PHF8: variants seen among roughly 807,000 people sequenced by gnomAD.
PHF8 encodes PHD finger protein 8.
PHF8 carries 9 observed loss-of-function variants against 74.4 expected under a neutral mutation model. That is an observed-to-expected ratio of 0.12 (90% CI 0.07 to 0.21). The LOEUF is 0.21. Ranked by LOEUF, PHF8 falls within the 10% of genes least tolerant of loss-of-function variation. The pLI is 1.00. For missense variants in PHF8, 478 were observed against 816.6 expected, an observed-to-expected ratio of 0.59 and a Z score of 5.05; for synonymous variants, 311 against 316.6, an observed-to-expected ratio of 0.98 and a Z score of 0.19.
chrX:54,038,123 G>A (rs2066493199), intron 2 of PHF8, among the ~76,000 whole-genome samples: 1 of 111,901 alleles, frequency 8.9e-6, no homozygotes, highest in African/African-American at 3.2e-5. Context: ...GTACAGCAAT[G>A]ATTCTCAAAT....
At chrX:54,037,764 C>T (rs2066488046) in intron 2 of PHF8, among the ~76,000 whole-genome samples, 1 of 112,073 alleles carries the variant, frequency 8.9e-6, no homozygotes, top group African/African-American at 3.2e-5. Flanking sequence ...TTAAAACTCC[C>T]CCAAAAGATA....
intron 8 of PHF8, among the ~76,000 whole-genome samples, chrX:54,002,902 A>C (rs1402845301): frequency 8.9e-6 from 1 of 111,876 alleles, no homozygotes; most frequent in East Asian, 2.8e-4. Flanking sequence ...ATTCATGAGA[A>C]TATTATGATG....
intron 18 of PHF8, among the ~76,000 whole-genome samples, chrX:53,980,872 G>A (rs1173545549): frequency 8.9e-6 from 1 of 112,756 alleles, no homozygotes; most frequent in Non-Finnish European, 1.9e-5. Flanking sequence ...TATGTTTGAA[G>A]ACAGAAACAA....
At chrX:53,968,222 G>T (rs1338174611) in intron 18 of PHF8, among the ~76,000 whole-genome samples, 2 of 111,200 alleles carry the variant, frequency 1.8e-5, no homozygotes, top group Non-Finnish European at 3.8e-5. Context: ...GTTTACATTA[G>T]AAATTAAAAA....
chrX:53,984,099 C>G (rs138991729), intron 18 of PHF8, among the ~76,000 whole-genome samples: 1 of 112,518 alleles, frequency 8.9e-6, no homozygotes, highest in Non-Finnish European at 1.9e-5. Context: ...CGATGGCTCA[C>G]GCCTATAATC....
At chrX:54,021,954 A>G (rs1357542319) in intron 4 of PHF8, among the ~76,000 whole-genome samples, 2 of 111,852 alleles carry the variant, frequency 1.8e-5, no homozygotes, top group Non-Finnish European at 3.8e-5. Flanking sequence ...TATATGACCA[A>G]TAATTTTTTT....
At chrX:54,024,443 C>G (rs1225130248) in intron 2 of PHF8, among the ~76,000 whole-genome samples, 3 of 112,033 alleles carry the variant, frequency 2.7e-5, no homozygotes, top group African/African-American at 9.7e-5. Context: ...TGCTTTCTAT[C>G]TCATACCCCT....
At chrX:53,972,896 C>A (rs2065317011) in intron 18 of PHF8, among the ~76,000 whole-genome samples, 1 of 111,446 alleles carries the variant, frequency 9.0e-6, no homozygotes, top group Non-Finnish European at 1.9e-5. Context: ...ATATAGAAAA[C>A]CCCATCACCT....
At chrX:53,963,592 C>G (rs868916328) in intron 18 of PHF8, among the ~76,000 whole-genome samples, 2 of 111,589 alleles carry the variant, frequency 1.8e-5, no homozygotes, top group Non-Finnish European at 3.8e-5. Flanking sequence ...ACAGACACTT[C>G]TCAAAAGAAG....
intron 10 of PHF8, among the ~76,000 whole-genome samples, chrX:54,001,597 G>C (rs1323640675): frequency 8.9e-6 from 1 of 111,781 alleles, no homozygotes; most frequent in African/African-American, 3.3e-5. Flanking sequence ...AGGGAGGAGA[G>C]TGGGTGAAAC....
intron 5 of PHF8, among the ~76,000 whole-genome samples, chrX:54,017,115 A>G (rs2066083838): frequency 1.8e-5 from 2 of 112,905 alleles, no homozygotes; most frequent in Admixed American, 1.9e-4. Context: ...AGAACTTCCC[A>G]GGTAAAAAAC....
intron 18 of PHF8, among the ~76,000 whole-genome samples, chrX:53,968,677 G>A (rs1181168841): frequency 8.9e-6 from 1 of 112,268 alleles, no homozygotes; most frequent in African/African-American, 3.2e-5. Flanking sequence ...GGAAGGCCAA[G>A]GTGGGCAGAT....
At chrX:53,953,969 A>G (rs958913162) in intron 19 of PHF8, among the ~76,000 whole-genome samples, 1 of 111,716 alleles carries the variant, frequency 9.0e-6, no homozygotes, top group Non-Finnish European at 1.9e-5. Flanking sequence ...CTATACTAAC[A>G]TCAGACTTTG....
chrX:54,014,612 G>T lies in PHF8; in HGVS notation c.597-49C>A, dbSNP rs1557107534. 5.4e-6 allele frequency: 5 copies of T among 921,272 alleles called. No individual in the cohort carries two copies. The South Asian group carries it at 1.0e-4, about 19-fold the overall frequency. 75.9% of individuals were successfully genotyped at this position (921,272 alleles called of 1,213,427 possible). Reference sequence around the variant, plus strand: ...AGATGTCAGCTGATTAGGAAGAGAAGATTGAGGCCTGAATAAAATACCCCA... The same window carrying T: ...AGATGTCAGCTGATTAGGAAGAGAATATTGAGGCCTGAATAAAATACCCCA... On this transcript the variant is annotated intron_variant, in intron 6 of 21. Transcript: ENST00000338154.
intron 2 of PHF8, among the ~76,000 whole-genome samples, chrX:54,025,204 T>C (rs1463931424): frequency 8.1e-5 from 9 of 111,773 alleles, no homozygotes; most frequent in African/African-American, 2.9e-4. Flanking sequence ...CTAGTAATTC[T>C]TTTTTTATAT....
At chrX:54,017,576 A>C in intron 5 of PHF8, 85 bp downstream of exon 5, 1 of 846,050 alleles carries the variant, frequency 1.2e-6, no homozygotes, top group Non-Finnish European at 1.8e-6. Context: ...TACAGAGGAA[A>C]TGCAAAAACA....
At chrX:54,040,531 A>G (rs1456107600) in intron 2 of PHF8, among the ~76,000 whole-genome samples, 1 of 112,107 alleles carries the variant, frequency 8.9e-6, no homozygotes, top group African/African-American at 3.2e-5. Flanking sequence ...ATGGGAACCA[A>G]GAGGAAGAAG....
intron 13 of PHF8, 83 bp from the exon 14 acceptor site, chrX:53,992,922 T>C: frequency 1.5e-6 from 1 of 649,823 alleles, no homozygotes; most frequent in Non-Finnish European, 2.5e-6. Flanking sequence ...GTTTCACTGG[T>C]TCAGTTCACT....
intron 1 of PHF8, chrX:54,043,266 T>C (rs1302000797): frequency 1.7e-5 from 4 of 228,945 alleles, no homozygotes; most frequent in East Asian, 2.4e-4. Flanking sequence ...CCACCTGAAA[T>C]AGGGCCAACC....
Sources: gnomAD v4.1 joint callset for allele counts (sites outside exome capture counted in the v4.1 genomes callset) on GRCh38, gnomAD v4.1.1 for gene constraint, MANE v1.5 for transcripts, NCBI Gene and HGNC (gene_info 2026-07-23, HGNC 2026-07-21) for gene names.